Variants in RBPJ observed in about 807,000 individuals in gnomAD.
RBPJ encodes the protein recombining binding protein suppressor of hairless.
A neutral mutation model predicts 67.8 loss-of-function variants in RBPJ; 9 were observed. That is an observed-to-expected ratio of 0.13 (90% CI 0.08 to 0.23). The LOEUF (loss-of-function observed/expected upper bound fraction) is 0.23. Among genes scored for constraint, RBPJ ranks in the 10% least tolerant of loss-of-function variants. The pLI is 1.00. For synonymous variants in RBPJ, 198 were observed against 203.3 expected, an observed-to-expected ratio of 0.97 and a Z score of 0.22; for missense variants, 305 against 595.6, an observed-to-expected ratio of 0.51 and a Z score of 5.08.
intron 1 of RBPJ, among the ~76,000 whole-genome samples, chr4:26,193,027 G>A (rs968814402): frequency 6.6e-6 from 1 of 152,140 alleles, no homozygotes; most frequent in Non-Finnish European, 1.5e-5. Context: ...GCAGTTGCTG[G>A]CTTTGAAGAT....
At chr4:26,398,293 T>G (rs895358935) in intron 2 of RBPJ, among the ~76,000 whole-genome samples, 5 of 152,138 alleles carry the variant, frequency 3.3e-5, no homozygotes. Flanking sequence ...CCACACTCCC[T>G]CCACTTACCC....
intron 1 of RBPJ, among the ~76,000 whole-genome samples, chr4:26,183,874 C>T (rs1180259942): frequency 2.0e-5 from 3 of 152,058 alleles, no homozygotes; most frequent in East Asian, 1.9e-4. Context: ...TAGCCAAGCA[C>T]GGAGGCACGC....
intron 1 of RBPJ, among the ~76,000 whole-genome samples, chr4:26,361,760 G>A (rs1191407689): frequency 6.6e-6 from 1 of 152,086 alleles, no homozygotes; most frequent in African/African-American, 2.4e-5. Flanking sequence ...ATTCTTAGTA[G>A]ATTTAAAATG....
the RBPJ span, among the ~76,000 whole-genome samples, chr4:26,156,209 ATTG>A: frequency 3.3e-5 from 5 of 152,212 alleles, no homozygotes; most frequent in African/African-American, 9.6e-5. Flanking sequence ...GATTACTGTT[ATTG>A]TTAATGCAGT....
intron 1 of RBPJ, among the ~76,000 whole-genome samples, chr4:26,212,104 T>G (rs1381074793): frequency 1.3e-5 from 2 of 152,128 alleles, no homozygotes; most frequent in African/African-American, 2.4e-5. Flanking sequence ...ACCCAGTTTG[T>G]GGCACTTTTT....
intron 1 of RBPJ, among the ~76,000 whole-genome samples, chr4:26,313,771 G>GGTT (rs1396183608): frequency 6.6e-6 from 1 of 152,020 alleles, no homozygotes; most frequent in Non-Finnish European, 1.5e-5. Context: ...GGGAGGCAGA[G>GGTT]GTTGTGGTGA....
At chr4:26,239,744 G>GGGAGA (rs200509512) in intron 1 of RBPJ, among the ~76,000 whole-genome samples, 24,547 of 149,716 alleles carry the variant, frequency 0.16, 2,352 homozygotes, top group Non-Finnish European at 0.22. Context: ...GGGAGGGGAG[G>GGGAGA]GGAGAGGAGA....
chr4:26,112,801 C>A, the RBPJ span: 111 of 141,450 alleles, frequency 7.8e-4, no homozygotes, highest in African/African-American at 2.8e-3. Flanking sequence ...CTCTTGTTGC[C>A]CAGGCTGGAG....
intron 1 of RBPJ, among the ~76,000 whole-genome samples, chr4:26,385,045 G>T (rs1468341138): frequency 7.2e-6 from 1 of 138,668 alleles, no homozygotes; most frequent in African/African-American, 2.7e-5. Context: ...CTTTTTGATG[G>T]AGTCCTGCTC....
intron 1 of RBPJ, among the ~76,000 whole-genome samples, chr4:26,168,577 C>T (rs1298693382): frequency 2.6e-5 from 4 of 152,144 alleles, no homozygotes; most frequent in Admixed American, 6.5e-5. Flanking sequence ...CGAGGAATAT[C>T]TTTGTGGTGT....
At chr4:26,244,638 T>A (rs1006982386) in intron 1 of RBPJ, among the ~76,000 whole-genome samples, 3 of 152,186 alleles carry the variant, frequency 2.0e-5, no homozygotes, top group Admixed American at 1.3e-4. Context: ...AATTTCTTTC[T>A]TTCTTTTAAG....
intron 1 of RBPJ, among the ~76,000 whole-genome samples, chr4:26,184,291 A>G (rs2109132388): frequency 6.6e-6 from 1 of 152,228 alleles, no homozygotes; most frequent in East Asian, 1.9e-4. Flanking sequence ...AGGTACAGGG[A>G]TCACTGCAAT....
At chr4:26,193,441 TG>T (rs1717641001) in intron 1 of RBPJ, among the ~76,000 whole-genome samples, 1 of 152,154 alleles carries the variant, frequency 6.6e-6, no homozygotes, top group Admixed American at 6.5e-5. Flanking sequence ...TTGACTTTGG[TG>T]GTTCTTTTTA....
chr4:26,298,966 A>G (rs1721978547), intron 1 of RBPJ, among the ~76,000 whole-genome samples: 1 of 152,272 alleles, frequency 6.6e-6, no homozygotes, highest in Non-Finnish European at 1.5e-5. Context: ...CTTCAAAGAA[A>G]AAAGGTAGGT....
At chr4:26,191,204 TATATATAGAGAGAGAGAGAG>T (rs1228533774) in intron 1 of RBPJ, among the ~76,000 whole-genome samples, 1 of 31,818 alleles carries the variant, frequency 3.1e-5, no homozygotes, top group African/African-American at 1.1e-4. Context: ...TATATATATA[TATATATAGAGAGAGAGAGAG>T]AGAGAGAGAG....
At chr4:26,306,713 T>G (rs889666574) in intron 1 of RBPJ, among the ~76,000 whole-genome samples, 1 of 151,986 alleles carries the variant, frequency 6.6e-6, no homozygotes, top group African/African-American at 2.4e-5. Flanking sequence ...CCTCCCAAAG[T>G]GCTGGGATTA....
intron 3 of RBPJ, among the ~76,000 whole-genome samples, chr4:26,412,575 G>A (rs191683753): frequency 1.3e-5 from 2 of 152,240 alleles, no homozygotes; most frequent in East Asian, 1.9e-4. Context: ...AAGTATAAAT[G>A]CAAACAATCC....
chr4:26,109,491 T>TACACAC, the RBPJ span, among the ~76,000 whole-genome samples: 1 of 41,408 alleles, frequency 2.4e-5, no homozygotes, highest in African/African-American at 1.2e-4. Flanking sequence ...TATATATATA[T>TACACAC]ACACACACAC....
intron 1 of RBPJ, among the ~76,000 whole-genome samples, chr4:26,372,906 A>ATAC (rs1215327064): frequency 1.3e-5 from 2 of 152,144 alleles, no homozygotes; most frequent in African/African-American, 4.8e-5. Context: ...GAGTGAGCAG[A>ATAC]TACTAGCTGG....
Sources: allele counts gnomAD v4.1 joint callset (sites outside exome capture counted in the v4.1 genomes callset), GRCh38; gene constraint gnomAD v4.1.1; transcripts MANE v1.5; gene names NCBI Gene and HGNC (gene_info 2026-07-23, HGNC 2026-07-21).